SCML4: variants seen among roughly 807,000 people sequenced by gnomAD.
The protein encoded by SCML4 is sex comb on midleg-like protein 4.
SCML4 carries 34 observed loss-of-function variants against 41.1 expected under a neutral mutation model. That is an observed-to-expected ratio of 0.83 (90% confidence interval 0.63 to 1.10). SCML4 has a LOEUF of 1.10. SCML4 is among the 50% of genes least tolerant of loss of function. The pLI, the probability that SCML4 is intolerant of heterozygous loss-of-function variation, is 0.00. For missense variants in SCML4, 522 were observed against 534.1 expected (o/e 0.98, Z 0.22); for synonymous variants, 214 against 220.9 (o/e 0.97, Z 0.28).
intron 1 of SCML4, among the ~76,000 whole-genome samples, chr6:107,809,670 A>G (rs1354444416): frequency 6.6e-6 from 1 of 152,210 alleles, no homozygotes; most frequent in Non-Finnish European, 1.5e-5. Context: ...ATAAAGGAGA[A>G]GGGGAAGATA....
intron 1 of SCML4, among the ~76,000 whole-genome samples, chr6:107,780,767 G>T (rs1781421812): frequency 1.3e-5 from 2 of 151,898 alleles, no homozygotes; most frequent in African/African-American, 4.8e-5. Flanking sequence ...AGAGATGACT[G>T]ATTTCATATC....
At chr6:107,794,461 A>T (rs1782564011) in intron 1 of SCML4, among the ~76,000 whole-genome samples, 1 of 152,166 alleles carries the variant, frequency 6.6e-6, no homozygotes, top group Non-Finnish European at 1.5e-5. Context: ...CTGGTGGAAA[A>T]CACTAATAAG....
At chr6:107,711,940 A>G (rs1050611170) in intron 6 of SCML4, among the ~76,000 whole-genome samples, 2 of 152,134 alleles carry the variant, frequency 1.3e-5, no homozygotes, top group Non-Finnish European at 2.9e-5. Flanking sequence ...TCCTAAACAC[A>G]TAATGGTTTG....
At chr6:107,810,742 TC>T (rs565611587) in intron 1 of SCML4, among the ~76,000 whole-genome samples, 104 of 152,176 alleles carry the variant, frequency 6.8e-4, no homozygotes, top group African/African-American at 2.3e-3. Flanking sequence ...ATTGAATTGT[TC>T]CCCCCAACCC....
chr6:107,830,652 C>G, the SCML4 span, among the ~76,000 whole-genome samples: 1 of 152,048 alleles, frequency 6.6e-6, no homozygotes, highest in South Asian at 2.1e-4. Flanking sequence ...AGTGGGAGAT[C>G]TCATCTTAAT....
At chr6:107,786,557 T>C (rs9486692) in intron 1 of SCML4, among the ~76,000 whole-genome samples, 21,185 of 152,164 alleles carry the variant, frequency 0.14, 1,983 homozygotes, top group African/African-American at 0.27. Flanking sequence ...GTCTCTCTGT[T>C]CTAATATGCT....
upstream of SCML4, among the ~76,000 whole-genome samples, chr6:107,827,556 G>C (rs536265362): frequency 3.9e-5 from 6 of 152,136 alleles, no homozygotes; most frequent in Non-Finnish European, 8.8e-5. Context: ...TGGGATGACT[G>C]GTATTAGCTG....
rs964737825 is a variant in SCML4 at position 107,703,018 on chromosome 6, T to G, written c.*2182A>C. 7.2e-5 allele frequency among the ~76,000 whole-genome samples: 11 copies of G among 152,208 alleles called. No homozygotes were observed. The highest frequency in any genetic ancestry group is 1.2e-4 in the Non-Finnish European group (8 of 68,042). ...CAACGAGAGTGACCTCTGGTTGTCC[T>G]CGCTGCTATACTACCACCAGTGCCA... On this transcript the variant is annotated 3_prime_UTR_variant, in exon 8 of 8. Coordinates refer to ENST00000369020, the MANE Select transcript of SCML4 (RefSeq NM_198081.5).
intron 1 of SCML4, among the ~76,000 whole-genome samples, chr6:107,796,022 C>T (rs950480927): frequency 6.6e-6 from 1 of 152,272 alleles, no homozygotes; most frequent in East Asian, 1.9e-4. Flanking sequence ...CTTTTTATTG[C>T]TGAATAGTAG....
At chr6:107,845,197 C>A in the SCML4 span, among the ~76,000 whole-genome samples, 1 of 152,170 alleles carries the variant, frequency 6.6e-6, no homozygotes, top group Non-Finnish European at 1.5e-5. Flanking sequence ...GAATGCACCA[C>A]TGCACTCCAG....
At position 107,723,628 on chromosome 6, in the gene SCML4, G is replaced by C. The variant is rs530696688; in HGVS notation, c.683-2635C>G. 4.6e-5 allele frequency among the ~76,000 whole-genome samples: 7 copies of C among 152,234 alleles called. 1 individual carries two copies. In the South Asian group the frequency reaches 1.5e-3, roughly 32 times the overall value. Reference sequence around the variant, plus strand: ...AGAAAAAGACAATCTGAGTAGACCTGTAAGAAGTAAAAAGATTGAATTAGT... The same window carrying C: ...AGAAAAAGACAATCTGAGTAGACCTCTAAGAAGTAAAAAGATTGAATTAGT... On this transcript the variant is annotated intron_variant, in intron 5 of 7. Coordinates refer to ENST00000369020, the MANE Select transcript of SCML4 (RefSeq NM_198081.5).
chr6:107,755,642 G>A, intron 2 of SCML4: 1 of 1,306,532 alleles, frequency 7.7e-7, no homozygotes, highest in Non-Finnish European at 1.0e-6. Context: ...CAGGGCATTT[G>A]TCTTTGTTGT....
intron 1 of SCML4, among the ~76,000 whole-genome samples, chr6:107,804,248 C>CGTGTGT (rs1554223036): frequency 2.9e-3 from 443 of 150,734 alleles, no homozygotes; most frequent in Non-Finnish European, 3.9e-3. Flanking sequence ...AAACATGAAA[C>CGTGTGT]GTGTGTGTGT....
chr6:107,735,288 A>G (rs1197571995), intron 5 of SCML4, among the ~76,000 whole-genome samples: 4 of 152,212 alleles, frequency 2.6e-5, no homozygotes, highest in Non-Finnish European at 5.9e-5. Flanking sequence ...CTTGAGAATG[A>G]GACAGCTCAT....
chr6:107,755,264 C>A (rs769265987), intron 2 of SCML4, among the ~76,000 whole-genome samples: 2 of 152,260 alleles, frequency 1.3e-5, no homozygotes, highest in Non-Finnish European at 2.9e-5. Context: ...CTGTATTTAT[C>A]CAGTCTCTAA....
At chr6:107,812,080 C>T (rs1033663389) in intron 1 of SCML4, among the ~76,000 whole-genome samples, 2 of 152,170 alleles carry the variant, frequency 1.3e-5, no homozygotes, top group African/African-American at 4.8e-5. Context: ...AACTGCAGAT[C>T]TATGGGCAGC....
intron 3 of SCML4, among the ~76,000 whole-genome samples, chr6:107,749,124 G>C (rs1033372539): frequency 6.6e-6 from 1 of 151,638 alleles, no homozygotes; most frequent in Non-Finnish European, 1.5e-5. Context: ...GTGTGTGCGC[G>C]TGTGTGTGTG....
intron 1 of SCML4, among the ~76,000 whole-genome samples, chr6:107,818,164 T>G (rs569506299): frequency 6.6e-6 from 1 of 152,292 alleles, no homozygotes; most frequent in Non-Finnish European, 1.5e-5. Flanking sequence ...TTTTTGCAAA[T>G]GAGGTCTTAA....
intron 1 of SCML4, among the ~76,000 whole-genome samples, chr6:107,787,569 T>C (rs1781999442): frequency 1.3e-5 from 2 of 152,264 alleles, no homozygotes; most frequent in African/African-American, 2.4e-5. Flanking sequence ...GGGTTGTTTC[T>C]AGTTCAATCT....
Sources: gnomAD v4.1 joint callset for allele counts (sites outside exome capture counted in the v4.1 genomes callset) on GRCh38, gnomAD v4.1.1 for gene constraint, MANE v1.5 for transcripts, NCBI Gene and HGNC (gene_info 2026-07-23, HGNC 2026-07-21) for gene names.